Variants in THAP8 observed in about 807,000 individuals in gnomAD.
THAP8 encodes the protein THAP domain-containing protein 8.
Under a neutral mutation model 25.0 loss-of-function variants are expected in THAP8, and 24 were observed. The ratio of observed to expected loss-of-function variants is 0.96; its 90% CI spans 0.69 to 1.35. The LOEUF is 1.35. Among genes scored for constraint, THAP8 ranks in the 40% most tolerant of loss-of-function variants. The pLI is 0.00. For missense variants in THAP8, 399 were observed against 368.8 expected, an observed-to-expected ratio of 1.08 and a Z score of -0.67; for synonymous variants, 169 against 157.6, an observed-to-expected ratio of 1.07 and a Z score of -0.54.
At chr19:36,038,218 C>T (rs1486695178) in intron 3 of THAP8, among the ~76,000 whole-genome samples, 6 of 151,930 alleles carry the variant, frequency 3.9e-5, no homozygotes, top group African/African-American at 1.2e-4. Flanking sequence ...GCTGGGATTA[C>T]GGGCATGAGC....
At position 36,035,331 on chromosome 19, in the gene THAP8, G is replaced by C; in HGVS notation, c.*109C>G. 2 of 1,395,666 alleles carry C rather than the reference G, an allele frequency of 1.4e-6. No homozygotes were observed. Among genetic ancestry groups the C allele is most frequent in the South Asian group, 2.8e-5 (2 of 70,410 alleles). The allele number at this position is 1,395,666 out of a possible 1,614,324, so 86.5% of individuals were successfully genotyped here. ...GGTAGAACCCAGGCCCTTGAGGGAG[G>C]CACTGCTACTACCCAGGCGTGGGCG... is the stretch of plus-strand genomic sequence containing the variant. On this transcript the variant is annotated 3_prime_UTR_variant, in exon 4 of 4. Coordinates refer to ENST00000292894, the MANE Select transcript of THAP8 (RefSeq NM_152658.3).
intron 1 of THAP8, among the ~76,000 whole-genome samples, chr19:36,042,831 A>G (rs112937484): frequency 1.3e-5 from 2 of 152,138 alleles, no homozygotes; most frequent in Admixed American, 6.5e-5. Context: ...CCATGGCGCA[A>G]TCTCGGCACA....
At chr19:36,035,664 G>A in intron 3 of THAP8, 72 bp from the exon 4 acceptor site, 1 of 1,541,794 alleles carries the variant, frequency 6.5e-7, no homozygotes, top group Non-Finnish European at 8.8e-7. Flanking sequence ...AGATAACGGT[G>A]AGGAACAGGG....
At position 36,035,594 on chromosome 19, in the gene THAP8, T is replaced by C. The variant is rs747794376; in HGVS notation, c.673-2A>G. On this transcript the variant is annotated splice_acceptor_variant, in intron 3 of 3. Transcript: ENST00000292894. LOFTEE classifies it high-confidence loss of function. Reference sequence around the variant, plus strand: ...AGGTCCAAGGGTCTGGGCTGTTGTCTAAGGCAAAGAAGTGGTAGAGATGGG... The same window carrying C: ...AGGTCCAAGGGTCTGGGCTGTTGTCCAAGGCAAAGAAGTGGTAGAGATGGG... 50 of 1,612,256 alleles carry C rather than the reference T, an allele frequency of 3.1e-5. No individual in the cohort carries two copies. The East Asian group carries it at 1.1e-3, about 36-fold the overall frequency.
chr19:36,039,178 A>G, intron 3 of THAP8, 145 bp downstream of exon 3: 1 of 1,183,680 alleles, frequency 8.4e-7, no homozygotes, highest in Non-Finnish European at 1.1e-6. Context: ...TACAGGCGTG[A>G]GCCACTGAGC....
At chr19:36,048,841 TA>T (rs1204599378) in intron 1 of THAP8, among the ~76,000 whole-genome samples, 35 of 83,888 alleles carry the variant, frequency 4.2e-4, no homozygotes, top group Admixed American at 1.0e-3. Flanking sequence ...ACCCCTTCTT[TA>T]AAAAAAAAAA....
chr19:36,035,857 C>G (rs1347500102), intron 3 of THAP8, among the ~76,000 whole-genome samples: 1 of 151,442 alleles, frequency 6.6e-6, no homozygotes, highest in African/African-American at 2.4e-5. Context: ...GATGTGCAGG[C>G]AGACAGACGT....
At position 36,054,172 on chromosome 19, in the gene THAP8, G is replaced by T. The variant is rs747358418; in HGVS notation, c.46C>A (p.Arg16Ser). The T allele has an allele frequency of 2.5e-6, 4 of 1,613,832 alleles. No individual in the cohort carries two copies. The highest frequency in any genetic ancestry group is 1.7e-5 in the Admixed American group (1 of 60,018). Residue 16 changes from arginine to serine, a missense_variant, in exon 1 of 4, where the codon CGC becomes AGC. Coordinates refer to ENST00000292894, the MANE Select transcript of THAP8 (RefSeq NM_152658.3). ...ACAGGGCGGTTGTCTGCACCCAGGC[G>T]GCCCGCAGTGTTGGAGCAGTTCGGC... ...RAPNCSNTAG[R>S]LGADNRPVSF...
intron 3 of THAP8, among the ~76,000 whole-genome samples, chr19:36,037,319 A>C (rs1321219385): frequency 1.1e-3 from 66 of 60,796 alleles, no homozygotes; most frequent in Non-Finnish European, 1.4e-3. Context: ...CACACACACA[A>C]ACACCTTCCT....
chr19:36,037,243 T>TAC (rs67358015), intron 3 of THAP8, among the ~76,000 whole-genome samples: 11,370 of 113,692 alleles, frequency 0.1, 806 homozygotes, highest in Admixed American at 0.15. Flanking sequence ...CTTCCTCCCC[T>TAC]ACACACACAC....
chr19:36,045,148 C>T (rs575851872), intron 1 of THAP8, among the ~76,000 whole-genome samples: 21 of 152,038 alleles, frequency 1.4e-4, no homozygotes, highest in Admixed American at 3.9e-4. Flanking sequence ...AGTGCAGCGG[C>T]GCAATCTCGG....
At chr19:36,049,020 T>C (rs959063558) in intron 1 of THAP8, among the ~76,000 whole-genome samples, 7 of 151,878 alleles carry the variant, frequency 4.6e-5, no homozygotes, top group Admixed American at 2.6e-4. Flanking sequence ...TTCTAAGTGA[T>C]AGGTCCCCCA....
Position 36,039,658 on chromosome 19 carries a change from T to G in THAP8, c.337A>C (p.Asn113His), listed in dbSNP as rs941787388. ...GCAGGGCTCTGGGGCAGGGGTGTAT[T>G]CTTCTGTAGGGGAGGCGGCGGCGAG... ...PVSPPPPLQK[N>H]TPLPQSPAIP... The change falls in exon 3 of 4, where the codon AAT becomes CAT. Residue 113 changes from asparagine to histidine, a missense_variant. Physicochemically the swap from Asn to His is moderately conservative, Grantham distance 68. Transcript: ENST00000292894. 5.3e-6 allele frequency: 8 copies of G among 1,521,456 alleles called. No individual in the cohort carries two copies. The South Asian group carries it at 1.0e-4, about 19-fold the overall frequency. The allele number at this position is 1,521,456 out of a possible 1,614,324, so 94.2% of individuals were successfully genotyped here. A position where few individuals can be genotyped will look rare whatever the true frequency, so the allele number is the denominator to read the frequency against.
chr19:36,050,035 C>A (rs1193370093), intron 1 of THAP8, among the ~76,000 whole-genome samples: 1 of 130,808 alleles, frequency 7.6e-6, no homozygotes, highest in Non-Finnish European at 1.6e-5. Flanking sequence ...GCCTGGGCGG[C>A]AGAGCAAGAC....
rs538641887 is a variant in THAP8, at chr19:36,041,699, T to G, written c.84-1563A>C. Among the ~76,000 whole-genome samples, 148 of 152,312 alleles carry G rather than the reference T, an allele frequency of 9.7e-4. 1 individual carries two copies. The highest frequency in any genetic ancestry group is 1.7e-3 in the Non-Finnish European group (114 of 68,028). ...GGCCAATAAGCACATGAAAAGATAC[T>G]TGACATCTCCAATCATTAGGAAAAC... On this transcript the variant is annotated intron_variant, in intron 1 of 3. Coordinates refer to ENST00000292894, the MANE Select transcript of THAP8 (RefSeq NM_152658.3).
chr19:36,053,858 GCTCT>G lies in THAP8; in HGVS notation c.83+273_83+276del, dbSNP rs1217566750. On this transcript the variant is annotated intron_variant, in intron 1 of 3. Transcript: ENST00000292894. ...GGGGAGGGCAAGTGGGCATCTGCAG[GCTCT>G]CTAACAGCCTGCACCGACTTCACTT... Among the ~76,000 whole-genome samples the G allele has an allele frequency of 5.3e-5, 8 of 152,212 alleles. No individual in the cohort carries two copies. The East Asian group carries it at 1.4e-3, about 26-fold the overall frequency.
intron 1 of THAP8, among the ~76,000 whole-genome samples, chr19:36,050,437 C>A (rs1326437310): frequency 1.3e-5 from 2 of 152,172 alleles, no homozygotes; most frequent in Non-Finnish European, 1.5e-5. Flanking sequence ...AGCCACCACG[C>A]CCAGCCTATC....
chr19:36,035,669 A>G (rs1969410730), intron 3 of THAP8, 77 bp from the exon 4 acceptor site: 4 of 1,539,668 alleles, frequency 2.6e-6, no homozygotes, highest in Admixed American at 1.8e-5. Flanking sequence ...ACGGTGAGGA[A>G]CAGGGAGGCA....
intron 1 of THAP8, among the ~76,000 whole-genome samples, chr19:36,047,339 G>C (rs377477986): frequency 4.6e-5 from 7 of 152,162 alleles, no homozygotes; most frequent in East Asian, 1.9e-4. Flanking sequence ...TGATGAAAAG[G>C]TGCCATTGAA....
Sources: gnomAD v4.1 joint callset for allele counts (sites outside exome capture counted in the v4.1 genomes callset) on GRCh38, gnomAD v4.1.1 for gene constraint, MANE v1.5 for transcripts, NCBI Gene and HGNC (gene_info 2026-07-23, HGNC 2026-07-21) for gene names.